CACNA1A: variants seen among roughly 807,000 people sequenced by gnomAD.
CACNA1A encodes voltage-dependent P/Q-type calcium channel subunit alpha-1A.
Under a neutral mutation model 262.4 loss-of-function variants are expected in CACNA1A, and 57 were observed. The observed-to-expected ratio is 0.22, with a 90% CI of 0.18 to 0.27. The LOEUF (loss-of-function observed/expected upper bound fraction) is 0.27. CACNA1A is among the 10% of genes least tolerant of loss of function. The pLI is 1.00. For synonymous variants in CACNA1A, 1,431 were observed against 1,419.3 expected (o/e 1.01, Z -0.18); for missense variants, 2,526 against 3,562.8 (o/e 0.71, Z 7.41).
At chr19:13,354,261 A>T (rs1568564590) in intron 6 of CACNA1A, among the ~76,000 whole-genome samples, 1 of 152,150 alleles carries the variant, frequency 6.6e-6, no homozygotes, top group South Asian at 2.1e-4. Context: ...CGTTGATCTC[A>T]ACTACTAGCT....
In CACNA1A at chr19:13,496,084, CCAT is replaced by C. The variant is rs1421870065; in HGVS notation, c.293+9845_293+9847del. 2.6e-3 allele frequency among the ~76,000 whole-genome samples: 312 copies of C among 118,486 alleles called. 2 individuals carry two copies. The highest frequency in any genetic ancestry group is 0.016 in the African/African-American group (281 of 17,556). The allele number at this position is 118,486 out of a possible 152,430, so 77.7% of individuals were successfully genotyped here. On this transcript the variant is annotated intron_variant, in intron 1 of 46. Coordinates refer to ENST00000360228, the MANE Select transcript of CACNA1A (RefSeq NM_001127222.2). ...TCCATCCATCCATCCATCCATCCAT[CCAT>C]CCACCCAGACATCCAACACTAACTG...
At chr19:13,418,775 T>C (rs1189729146) in intron 3 of CACNA1A, among the ~76,000 whole-genome samples, 1 of 152,226 alleles carries the variant, frequency 6.6e-6, no homozygotes, top group African/African-American at 2.4e-5. Flanking sequence ...TATGGTACAG[T>C]CATGTGCTAC....
intron 1 of CACNA1A, 58 bp from the exon 2 acceptor site, chr19:13,455,270 C>T (rs767282676): frequency 2.7e-5 from 27 of 983,444 alleles, no homozygotes; most frequent in East Asian, 2.7e-4. Context: ...TGGAGGTGCA[C>T]CCACCCCCAC....
chr19:13,208,668 C>T, intron 46 of CACNA1A, 88 bp downstream of exon 46: 1 of 1,428,192 alleles, frequency 7.0e-7, no homozygotes, highest in Non-Finnish European at 9.3e-7. Context: ...GGACCTTTGC[C>T]TAGAGTGGCT....
chr19:13,465,630 A>G (rs1451303685), intron 1 of CACNA1A, among the ~76,000 whole-genome samples: 1 of 152,092 alleles, frequency 6.6e-6, no homozygotes, highest in Non-Finnish European at 1.5e-5. Flanking sequence ...GACTACAGGC[A>G]CATGTCACCA....
intron 20 of CACNA1A, among the ~76,000 whole-genome samples, chr19:13,286,012 A>G (rs2057389744): frequency 7.0e-6 from 1 of 142,908 alleles, no homozygotes; most frequent in Non-Finnish European, 1.5e-5. Context: ...GCTGCAGTAC[A>G]GAGGTGCCAT....
chr19:13,278,642 C>T (rs1600229526), intron 22 of CACNA1A, among the ~76,000 whole-genome samples: 1 of 152,226 alleles, frequency 6.6e-6, no homozygotes. Context: ...AAATGTCAGC[C>T]CCACAAGGAC....
At chr19:13,301,732 G>A (rs966450011) in intron 17 of CACNA1A, among the ~76,000 whole-genome samples, 1 of 152,204 alleles carries the variant, frequency 6.6e-6, no homozygotes, top group African/African-American at 2.4e-5. Flanking sequence ...CCGCCCATAA[G>A]AAAAGTCATG....
Position 13,506,087 on chromosome 19 carries a change from C to A in CACNA1A, c.138G>T (p.Arg46Ser). ...SRQGGQPGAQ[R>S]MYKQSMAQRA... is the part of the protein sequence containing the mutation. The stretch of plus-strand genomic sequence containing the variant: ...TCTGCGCCATTGACTGCTTGTACAT[C>A]CTTTGCGCCCCGGGCTGCCCGCCCT... Residue 46 changes from arginine (R) to serine (S), a missense_variant, in exon 1 of 47, where the codon AGG (arginine) becomes AGT (serine). By Grantham distance (110) the Arg-to-Ser change is moderately radical. Around this residue, in one of 17 missense-constraint regions of CACNA1A, gnomAD observed 65 missense variants for 75.6 expected, o/e 0.86. Transcript: ENST00000360228. The A allele has an allele frequency of 6.2e-7, 1 of 1,613,724 alleles. No individual in the cohort carries two copies. Among genetic ancestry groups the A allele is most frequent in the Non-Finnish European group, 8.5e-7 (1 of 1,179,794 alleles).
At chr19:13,257,619 A>T (rs2056605932) in intron 27 of CACNA1A, 68 bp from the exon 28 acceptor site, 2 of 989,150 alleles carry the variant, frequency 2.0e-6, no homozygotes, top group African/African-American at 3.2e-5. Context: ...AGGGGTGATG[A>T]GGAAGGTGGA....
At chr19:13,477,115 C>A (rs972521423) in intron 1 of CACNA1A, among the ~76,000 whole-genome samples, 1 of 152,200 alleles carries the variant, frequency 6.6e-6, no homozygotes, top group Non-Finnish European at 1.5e-5. Flanking sequence ...CATCTGCCTC[C>A]TCACTGTCAC....
chr19:13,454,633 A>C (rs1027345701), intron 2 of CACNA1A, among the ~76,000 whole-genome samples: 1 of 152,068 alleles, frequency 6.6e-6, no homozygotes, highest in Non-Finnish European at 1.5e-5. Flanking sequence ...TGGCCTCCCA[A>C]ACTGCTGGGA....
At chr19:13,400,671 T>G (rs80049992) in intron 3 of CACNA1A, among the ~76,000 whole-genome samples, 3,551 of 152,252 alleles carry the variant, frequency 0.023, 129 homozygotes, top group South Asian at 0.11. Flanking sequence ...TTTGGCAATG[T>G]GTGGAGACAT....
intron 30 of CACNA1A, among the ~76,000 whole-genome samples, chr19:13,249,863 G>A (rs2056349985): frequency 6.6e-6 from 1 of 152,048 alleles, no homozygotes; most frequent in African/African-American, 2.4e-5. Context: ...ACCTCCGTGA[G>A]CCAAGGTGGG....
At chr19:13,273,985 C>G (rs1401761239) in intron 24 of CACNA1A, 1 of 151,556 alleles carries the variant, frequency 6.6e-6, no homozygotes, top group East Asian at 1.9e-4. Context: ...TGGGCTCAAG[C>G]AATCTGCCTG....
chr19:13,340,294 C>T (rs2058655173), intron 6 of CACNA1A, among the ~76,000 whole-genome samples: 1 of 152,094 alleles, frequency 6.6e-6, no homozygotes, highest in African/African-American at 2.4e-5. Context: ...GACATGCTAC[C>T]CAGCACCACA....
chr19:13,263,028 T>A (rs148141869), intron 24 of CACNA1A, 195 bp from the exon 25 acceptor site: 21 of 579,256 alleles, frequency 3.6e-5, no homozygotes, highest in Admixed American at 5.7e-5. Flanking sequence ...AGCCAGTAAG[T>A]ACGTGGCTTT....
intron 3 of CACNA1A, among the ~76,000 whole-genome samples, chr19:13,376,841 T>TGATATATAACACATATGTTATATGTGA (rs2059424156): frequency 6.8e-6 from 1 of 147,244 alleles, no homozygotes; most frequent in Admixed American, 6.9e-5. Flanking sequence ...ATGTTATATG[T>TGATATATAACACATATGTTATATGTGA]GATATATAAC....
At chr19:13,364,057 G>GCC (rs1282354153) in intron 5 of CACNA1A, 1 of 152,264 alleles carries the variant, frequency 6.6e-6, no homozygotes, top group African/African-American at 2.4e-5. Context: ...AGCCCTGGGA[G>GCC]AGTGTCTCTG....
Sources: allele counts gnomAD v4.1 joint callset (sites outside exome capture counted in the v4.1 genomes callset), GRCh38; gene constraint gnomAD v4.1.1; regional missense constraint gnomAD v4.1.1; transcripts MANE v1.5; gene names NCBI Gene and HGNC (gene_info 2026-07-23, HGNC 2026-07-21).